Variants in RALGAPA2 observed in about 807,000 individuals in gnomAD.
The protein encoded by RALGAPA2 is Ral GTPase activating protein catalytic subunit alpha 2.
Under a neutral mutation model 230.4 loss-of-function variants are expected in RALGAPA2, and 139 were observed. That is an observed-to-expected ratio of 0.60 (90% CI 0.53 to 0.69). The LOEUF (loss-of-function observed/expected upper bound fraction) is 0.69. RALGAPA2 is among the 30% of genes least tolerant of loss of function. The probability of loss-of-function intolerance (pLI) is 0.00; values close to 1 mark genes in which losing one functional copy is unlikely to be tolerated. For synonymous variants in RALGAPA2, 847 were observed against 837.8 expected, an observed-to-expected ratio of 1.01 and a Z score of -0.19; for missense variants, 2,163 against 2,276.0, an observed-to-expected ratio of 0.95 and a Z score of 1.01.
intron 16 of RALGAPA2, among the ~76,000 whole-genome samples, chr20:20,595,962 A>C (rs1035888637): frequency 1.2e-4 from 19 of 152,130 alleles, no homozygotes; most frequent in African/African-American, 3.6e-4. Context: ...TCAAAAAAAA[A>C]CAAACAAAAA....
In RALGAPA2 at chr20:20,497,002, A is replaced by C. The variant is rs565858151; in HGVS notation, c.5209-1727T>G. ...CTGAGCACAAGTCACGATGATCCAGAACAATTTAATGGCATCTCCGACTTT... is the reference window on the plus strand; with the variant it reads ...CTGAGCACAAGTCACGATGATCCAGCACAATTTAATGGCATCTCCGACTTT... On this transcript the variant is annotated intron_variant, in intron 35 of 39. Coordinates refer to ENST00000202677, the MANE Select transcript of RALGAPA2 (RefSeq NM_020343.4). 7.2e-5 allele frequency among the ~76,000 whole-genome samples: 11 copies of C among 152,322 alleles called. No individual in the cohort carries two copies. The South Asian group carries it at 2.3e-3, about 32-fold the overall frequency.
intron 6 of RALGAPA2, 119 bp from the exon 7 acceptor site, chr20:20,640,019 C>G: frequency 1.4e-6 from 1 of 722,996 alleles, no homozygotes; most frequent in Non-Finnish European, 2.4e-6. Flanking sequence ...GCAGCTCACA[C>G]TGAGGAGCAC....
At chr20:20,657,639 C>T (rs774195921) in intron 3 of RALGAPA2, among the ~76,000 whole-genome samples, 1 of 152,194 alleles carries the variant, frequency 6.6e-6, no homozygotes, top group African/African-American at 2.4e-5. Context: ...TCTCCCCATG[C>T]TTTCTGTGCT....
At chr20:20,579,326 T>TTC (rs2064914852) in intron 20 of RALGAPA2, among the ~76,000 whole-genome samples, 1 of 152,316 alleles carries the variant, frequency 6.6e-6, no homozygotes, top group East Asian at 1.9e-4. Flanking sequence ...TCCTGCAATA[T>TTC]TCTCGGAAGC....
rs1556001202 is a variant in RALGAPA2 at position 20,390,690 on chromosome 20, T to TAAAAAAAAAATA, written c.*2587_*2598dup. On this transcript the variant is annotated 3_prime_UTR_variant, in exon 40 of 40. Coordinates refer to ENST00000202677, the MANE Select transcript of RALGAPA2 (RefSeq NM_020343.4). ...AAAACACAATATTTGCTTTTCTAAG[T>TAAAAAAAAAATA]AAAAAAAAAATAAAAAAGAAACTTG... The TAAAAAAAAAATA allele has an allele frequency of 1.7e-5, 2 of 117,584 alleles. No individual in the cohort carries two copies. The highest frequency in any genetic ancestry group is 1.0e-4 in the African/African-American group (2 of 19,276). 7.3% of individuals were successfully genotyped at this position (117,584 alleles called of 1,614,324 possible).
At chr20:20,604,378 C>A (rs2065753299) in intron 15 of RALGAPA2, among the ~76,000 whole-genome samples, 2 of 152,204 alleles carry the variant, frequency 1.3e-5, no homozygotes, top group Non-Finnish European at 1.5e-5. Flanking sequence ...GGTTCTCAGT[C>A]CCAAAACAAC....
chr20:20,479,766 C>T (rs748354688), intron 36 of RALGAPA2, among the ~76,000 whole-genome samples: 2 of 152,162 alleles, frequency 1.3e-5, no homozygotes, highest in Non-Finnish European at 2.9e-5. Context: ...CACTGGAGAT[C>T]CTTGCCAATA....
intron 18 of RALGAPA2, among the ~76,000 whole-genome samples, chr20:20,585,344 C>A (rs1002504961): frequency 1.3e-5 from 2 of 152,162 alleles, no homozygotes; most frequent in East Asian, 3.9e-4. Context: ...GTAGGGAAGG[C>A]GCAAACTCCA....
At chr20:20,476,806 A>C (rs1160832392) in intron 36 of RALGAPA2, among the ~76,000 whole-genome samples, 1 of 152,126 alleles carries the variant, frequency 6.6e-6, no homozygotes, top group East Asian at 1.9e-4. Context: ...GTCACCAAAC[A>C]GAACATAGCC....
At chr20:20,692,905 T>A (rs994491158) in intron 1 of RALGAPA2, among the ~76,000 whole-genome samples, 1 of 152,224 alleles carries the variant, frequency 6.6e-6, no homozygotes, top group Non-Finnish European at 1.5e-5. Flanking sequence ...GAAATTCTTA[T>A]TACTTGCTTA....
chr20:20,510,864 A>G (rs551346862), intron 33 of RALGAPA2, among the ~76,000 whole-genome samples: 1 of 152,354 alleles, frequency 6.6e-6, no homozygotes, highest in East Asian at 1.9e-4. Flanking sequence ...GATACACAAC[A>G]TGGATTCTGA....
At chr20:20,458,520 T>C (rs1445451216) in intron 37 of RALGAPA2, among the ~76,000 whole-genome samples, 1 of 138,552 alleles carries the variant, frequency 7.2e-6, no homozygotes, top group Non-Finnish European at 1.5e-5. Flanking sequence ...ATATATGTAT[T>C]TTATATATAT....
At chr20:20,598,690 T>A (rs1391481097) in intron 16 of RALGAPA2, 4 of 456,046 alleles carry the variant, frequency 8.8e-6, no homozygotes, top group African/African-American at 4.0e-5. Flanking sequence ...TGACAGCCTG[T>A]GAGAGCAAGA....
At chr20:20,558,603 T>G (rs6046936) in intron 23 of RALGAPA2, among the ~76,000 whole-genome samples, 12,802 of 151,110 alleles carry the variant, frequency 0.085, 785 homozygotes, top group African/African-American at 0.16. Flanking sequence ...GGGCATGGGG[T>G]GTAAGGGAGT....
chr20:20,616,425 G>GA (rs144171094), intron 12 of RALGAPA2, among the ~76,000 whole-genome samples: 1,995 of 152,110 alleles, frequency 0.013, 44 homozygotes, highest in African/African-American at 0.046. Flanking sequence ...TAGGGGAAAA[G>GA]AAAAAATCAC....
chr20:20,494,552 T>C (rs2062150480), intron 36 of RALGAPA2, among the ~76,000 whole-genome samples: 1 of 152,228 alleles, frequency 6.6e-6, no homozygotes, highest in Non-Finnish European at 1.5e-5. Context: ...CAATACCAAT[T>C]GACATGGCTG....
intron 24 of RALGAPA2, among the ~76,000 whole-genome samples, chr20:20,542,868 A>G (rs1266642582): frequency 6.6e-6 from 1 of 152,218 alleles, no homozygotes; most frequent in Non-Finnish European, 1.5e-5. Flanking sequence ...TTCATGACCT[A>G]AACACCAAAA....
rs2069913519 is a variant in RALGAPA2 at position 20,712,294 on chromosome 20, C to T, written c.106+81G>A. On this transcript the variant is annotated intron_variant, in intron 1 of 39. Coordinates refer to ENST00000202677, the MANE Select transcript of RALGAPA2 (RefSeq NM_020343.4). The surrounding 1 kb of genome is among the most constrained non-coding windows in gnomAD (Gnocchi z 5.5). ...TCCCCCTCCCCAGCCTCCCAGCCAC[C>T]GACCCCTGCACAGAGGAGCGCCCTC... is the stretch of plus-strand genomic sequence containing the variant. The T allele has an allele frequency of 2.2e-6, 3 of 1,342,416 alleles. No individual in the cohort carries two copies. The highest frequency in any genetic ancestry group is 1.5e-5 in the African/African-American group (1 of 65,244). The allele number at this position is 1,342,416 out of a possible 1,614,324, so 83.2% of individuals were successfully genotyped here. A position where few individuals can be genotyped will look rare whatever the true frequency, so the allele number is the denominator to read the frequency against.
At chr20:20,536,575 A>G (rs2063503037) in intron 25 of RALGAPA2, 81 bp downstream of exon 25, 2 of 1,465,688 alleles carry the variant, frequency 1.4e-6, no homozygotes, top group South Asian at 2.5e-5. Flanking sequence ...GCAGATTAAT[A>G]TACACTAATG....
Sources: allele counts gnomAD v4.1 joint callset (sites outside exome capture counted in the v4.1 genomes callset), GRCh38; gene constraint gnomAD v4.1.1; non-coding constraint Gnocchi (gnomAD v3.1); transcripts MANE v1.5; gene names NCBI Gene and HGNC (gene_info 2026-07-23, HGNC 2026-07-21).